Variants in LMBR1 observed in about 807,000 individuals in gnomAD.
LMBR1 encodes the protein limb region 1 protein homolog.
A neutral mutation model predicts 73.9 loss-of-function variants in LMBR1; 52 were observed. That is an observed-to-expected ratio of 0.70 (90% CI 0.56 to 0.89). The LOEUF is 0.89. Among genes scored for constraint, LMBR1 ranks in the 40% least tolerant of loss-of-function variants. The pLI is 0.00. For synonymous variants in LMBR1, 215 were observed against 209.4 expected, an observed-to-expected ratio of 1.03 and a Z score of -0.23; for missense variants, 539 against 579.8, an observed-to-expected ratio of 0.93 and a Z score of 0.72.
intron 5 of LMBR1, among the ~76,000 whole-genome samples, chr7:156,770,125 C>T (rs1436377570): frequency 1.3e-5 from 2 of 152,188 alleles, no homozygotes; most frequent in Admixed American, 1.3e-4. Flanking sequence ...GAATATACCT[C>T]TATTTCAATC....
At chr7:156,784,263 C>T (rs1827690473) in intron 5 of LMBR1, among the ~76,000 whole-genome samples, 1 of 152,150 alleles carries the variant, frequency 6.6e-6, no homozygotes, top group African/African-American at 2.4e-5. Context: ...GTTTGTTCGT[C>T]TTTGAATTCT....
intron 3 of LMBR1, among the ~76,000 whole-genome samples, chr7:156,830,670 T>C (rs1444661102): frequency 6.6e-6 from 1 of 152,250 alleles, no homozygotes; most frequent in Non-Finnish European, 1.5e-5. Flanking sequence ...TCATCTCAGC[T>C]AATCAATAAA....
At chr7:156,857,427 G>A (rs1797124795) in intron 1 of LMBR1, among the ~76,000 whole-genome samples, 1 of 152,116 alleles carries the variant, frequency 6.6e-6, no homozygotes, top group South Asian at 2.1e-4. Context: ...TTTCCAAGAA[G>A]AACTAACAAA....
intron 3 of LMBR1, among the ~76,000 whole-genome samples, chr7:156,828,899 G>C (rs193133554): frequency 1.6e-4 from 24 of 151,828 alleles, no homozygotes; most frequent in African/African-American, 4.3e-4. Context: ...TTTCCTTTTT[G>C]CCTTTGTTAG....
At chr7:156,875,754 C>A (rs1208952748) in intron 1 of LMBR1, among the ~76,000 whole-genome samples, 1 of 151,954 alleles carries the variant, frequency 6.6e-6, no homozygotes, top group Admixed American at 6.6e-5. Flanking sequence ...CTTTTTCAGA[C>A]AAACAAATGC....
intron 4 of LMBR1, among the ~76,000 whole-genome samples, chr7:156,802,594 A>G (rs1831199113): frequency 6.6e-6 from 1 of 152,226 alleles, no homozygotes; most frequent in African/African-American, 2.4e-5. Flanking sequence ...TATAAGAAAT[A>G]TTAATTTTTA....
At chr7:156,790,991 A>G (rs1829122024) in intron 5 of LMBR1, among the ~76,000 whole-genome samples, 2 of 152,150 alleles carry the variant, frequency 1.3e-5, no homozygotes. Context: ...CTGATCCATA[A>G]CCATTTCTAA....
intron 15 of LMBR1, among the ~76,000 whole-genome samples, chr7:156,706,046 C>T (rs1427290358): frequency 6.6e-6 from 1 of 151,768 alleles, no homozygotes; most frequent in Non-Finnish European, 1.5e-5. Context: ...ATCCACCTTA[C>T]CTATGAAGAC....
chr7:156,710,757 A>C (rs919884013), intron 15 of LMBR1, among the ~76,000 whole-genome samples: 1 of 152,244 alleles, frequency 6.6e-6, no homozygotes, highest in African/African-American at 2.4e-5. Flanking sequence ...AAGAATCTTA[A>C]AAGGTATGAA....
intron 15 of LMBR1, among the ~76,000 whole-genome samples, chr7:156,715,112 T>C (rs1812937814): frequency 6.6e-6 from 1 of 151,892 alleles, no homozygotes; most frequent in African/African-American, 2.4e-5. Flanking sequence ...CTACCACACT[T>C]GGCTAATTTT....
At chr7:156,688,626 T>C (rs1806475358) in intron 15 of LMBR1, among the ~76,000 whole-genome samples, 1 of 152,074 alleles carries the variant, frequency 6.6e-6, no homozygotes, top group African/African-American at 2.4e-5. Flanking sequence ...GCTGCTGCTC[T>C]CTGGAGGAAC....
At chr7:156,732,547 A>G (rs1817049592) in intron 10 of LMBR1, among the ~76,000 whole-genome samples, 1 of 152,224 alleles carries the variant, frequency 6.6e-6, no homozygotes, top group Admixed American at 6.5e-5. Flanking sequence ...CGGCTCAGGC[A>G]TGTGAAGAAA....
chr7:156,821,302 G>A (rs1007895939), intron 4 of LMBR1, among the ~76,000 whole-genome samples: 2 of 152,206 alleles, frequency 1.3e-5, no homozygotes, highest in African/African-American at 2.4e-5. Flanking sequence ...CAGTCTCCTG[G>A]AGAGTTCCCT....
intron 1 of LMBR1, among the ~76,000 whole-genome samples, chr7:156,865,922 C>T (rs1344417374): frequency 6.6e-6 from 1 of 151,988 alleles, no homozygotes; most frequent in Non-Finnish European, 1.5e-5. Flanking sequence ...TTACATTATA[C>T]ACAATAATTA....
Position 156,734,236 on chromosome 7 carries a change from T to G in LMBR1, c.779A>C (p.Tyr260Ser). Residue 260 changes from tyrosine to serine, a missense_variant, in exon 10 of 17, where the codon TAC becomes TCC. Coordinates refer to ENST00000353442, the MANE Select transcript of LMBR1 (RefSeq NM_022458.4). The part of the protein sequence containing the change: ...RLNGLSSSVE[Y>S]NIMELEQELE... ...TTCTTGTTCCAACTCCATTATGTTG[T>G]ATTCCACCGATGAAGACAGCCCTGT... 3 of 1,609,990 alleles carry G rather than the reference T, an allele frequency of 1.9e-6. No individual in the cohort carries two copies. The highest frequency in any genetic ancestry group is 2.5e-6 in the Non-Finnish European group (3 of 1,178,696).
At chr7:156,775,551 A>G (rs1050952515) in intron 5 of LMBR1, among the ~76,000 whole-genome samples, 2 of 152,218 alleles carry the variant, frequency 1.3e-5, no homozygotes, top group East Asian at 1.9e-4. Flanking sequence ...GTGAATGTTC[A>G]TAATATAACC....
chr7:156,673,162 A>G (rs1802966545), downstream of LMBR1, among the ~76,000 whole-genome samples: 1 of 152,204 alleles, frequency 6.6e-6, no homozygotes, highest in Non-Finnish European at 1.5e-5. Context: ...ATCTCAGAAC[A>G]TACCTCACAA....
chr7:156,706,786 T>C (rs138588652), intron 15 of LMBR1, among the ~76,000 whole-genome samples: 392 of 151,124 alleles, frequency 2.6e-3, no homozygotes, highest in Middle Eastern at 0.01. Flanking sequence ...TACTGAAAGA[T>C]ACAAATTAAC....
intron 10 of LMBR1, among the ~76,000 whole-genome samples, chr7:156,731,112 A>G (rs2132458805): frequency 6.6e-6 from 1 of 152,342 alleles, no homozygotes; most frequent in Middle Eastern, 3.4e-3. Flanking sequence ...TATAAAAAAT[A>G]AACAGAAAAT....
Sources: allele counts gnomAD v4.1 joint callset (sites outside exome capture counted in the v4.1 genomes callset), GRCh38; gene constraint gnomAD v4.1.1; transcripts MANE v1.5; gene names NCBI Gene and HGNC (gene_info 2026-07-23, HGNC 2026-07-21).